The following GRID2 variants were observed in gnomAD, a reference collection of about 807,000 sequenced individuals.
GRID2 encodes the protein glutamate receptor ionotropic, delta-2.
In GRID2, 33 loss-of-function variants were observed where a neutral mutation model predicts 114.8. The observed-to-expected ratio is 0.29, with a 90% CI of 0.22 to 0.38. The LOEUF is 0.38. Among genes scored for constraint, GRID2 ranks in the 10% least tolerant of loss-of-function variants. The probability of loss-of-function intolerance (pLI) is 1.00; values close to 1 mark genes in which losing one functional copy is unlikely to be tolerated. For synonymous variants in GRID2, 505 were observed against 449.9 expected (o/e 1.12, Z -1.55); for missense variants, 1,184 against 1,257.7 (o/e 0.94, Z 0.89).
intron 1 of GRID2, among the ~76,000 whole-genome samples, chr4:92,455,107 C>A (rs1052860108): frequency 1.3e-5 from 2 of 152,132 alleles, no homozygotes; most frequent in Admixed American, 6.5e-5. Context: ...ATTAAAACTA[C>A]TTTAAAATAG....
At chr4:93,309,883 A>G (rs1048455477) in intron 8 of GRID2, among the ~76,000 whole-genome samples, 1 of 152,182 alleles carries the variant, frequency 6.6e-6, no homozygotes, top group Admixed American at 6.5e-5. Context: ...AAAATTATGT[A>G]CAATTATTGT....
At chr4:92,412,231 A>G (rs1020131365) in intron 1 of GRID2, among the ~76,000 whole-genome samples, 1 of 152,104 alleles carries the variant, frequency 6.6e-6, no homozygotes, top group African/African-American at 2.4e-5. Context: ...ACATGTTTCC[A>G]TTACAGTTCC....
At chr4:93,565,864 A>G (rs1043346913) in intron 13 of GRID2, among the ~76,000 whole-genome samples, 1 of 152,174 alleles carries the variant, frequency 6.6e-6, no homozygotes, top group Non-Finnish European at 1.5e-5. Context: ...GTTTCACACA[A>G]TCACGCACAT....
At chr4:92,625,013 T>G (rs1052272030) in intron 2 of GRID2, among the ~76,000 whole-genome samples, 2 of 151,772 alleles carry the variant, frequency 1.3e-5, no homozygotes, top group Non-Finnish European at 2.9e-5. Context: ...GTGGTATACC[T>G]TTTTAGAGTA....
chr4:93,115,513 A>T lies in GRID2; in HGVS notation c.735+4560A>T, dbSNP rs148420166. ...AACTTAGTAACTTCTAGATCATTCT[A>T]TTGAGACATACGATGTGTTCCTAAT... is the stretch of plus-strand genomic sequence containing the variant. On this transcript the variant is annotated intron_variant, in intron 4 of 15. Coordinates refer to ENST00000282020, the MANE Select transcript of GRID2 (RefSeq NM_001510.4). Among the ~76,000 whole-genome samples, 8 of 152,110 alleles carry T rather than the reference A, an allele frequency of 5.3e-5. No individual in the cohort carries two copies. The East Asian group carries it at 1.5e-3, about 29-fold the overall frequency.
intron 7 of GRID2, among the ~76,000 whole-genome samples, chr4:93,236,844 T>G (rs1746855547): frequency 6.6e-6 from 1 of 152,106 alleles, no homozygotes; most frequent in Non-Finnish European, 1.5e-5. Flanking sequence ...ACCCACTGAA[T>G]TTTAATTAAC....
chr4:92,775,609 C>T (rs1436768559), intron 2 of GRID2, among the ~76,000 whole-genome samples: 1 of 152,146 alleles, frequency 6.6e-6, no homozygotes, highest in African/African-American at 2.4e-5. Context: ...GCTCAGGATA[C>T]TGCCATGCAA....
chr4:93,033,937 A>G (rs1724676219), intron 2 of GRID2, among the ~76,000 whole-genome samples: 2 of 152,190 alleles, frequency 1.3e-5, no homozygotes, highest in South Asian at 4.1e-4. Context: ...GGTCATAGAA[A>G]AACACATAGT....
chr4:92,925,257 A>G (rs191602876), intron 2 of GRID2, among the ~76,000 whole-genome samples: 31 of 152,150 alleles, frequency 2.0e-4, no homozygotes, highest in African/African-American at 5.5e-4. Context: ...GGACTTTAAA[A>G]AAGTAAGTTG....
intron 2 of GRID2, among the ~76,000 whole-genome samples, chr4:93,011,644 C>G (rs932958386): frequency 2.0e-5 from 3 of 152,072 alleles, no homozygotes; most frequent in African/African-American, 7.2e-5. Context: ...CTTACCATGT[C>G]ACATTGACAA....
At chr4:92,911,618 T>C (rs565013510) in intron 2 of GRID2, among the ~76,000 whole-genome samples, 1 of 152,036 alleles carries the variant, frequency 6.6e-6, no homozygotes, top group East Asian at 1.9e-4. Context: ...CACAAAACAA[T>C]TGCTGGTGTG....
intron 2 of GRID2, among the ~76,000 whole-genome samples, chr4:92,984,441 C>A (rs1164695392): frequency 1.3e-5 from 2 of 152,208 alleles, no homozygotes; most frequent in Non-Finnish European, 2.9e-5. Context: ...AGCTTGTTTA[C>A]TCTTTGTTAG....
In GRID2 at chr4:92,936,924, C is replaced by G. The variant is rs1750717144; in HGVS notation, c.245-148071C>G. Reference sequence around the variant, plus strand: ...ATATGTTCTTTTAATTTGCATTTCCCTAATGACTAATTATGTTGAGCATCT... The same window carrying G: ...ATATGTTCTTTTAATTTGCATTTCCGTAATGACTAATTATGTTGAGCATCT... On this transcript the variant is annotated intron_variant, in intron 2 of 15. Coordinates refer to ENST00000282020, the MANE Select transcript of GRID2 (RefSeq NM_001510.4). 1.4e-5 allele frequency among the ~76,000 whole-genome samples: 2 copies of G among 146,592 alleles called. 1 individual carries two copies. The highest frequency in any genetic ancestry group is 1.5e-4 in the Admixed American group (2 of 13,458).
intron 2 of GRID2, among the ~76,000 whole-genome samples, chr4:92,636,076 A>T (rs530559033): frequency 6.6e-6 from 1 of 152,142 alleles, no homozygotes; most frequent in Non-Finnish European, 1.5e-5. Flanking sequence ...CAAACAACTG[A>T]TTGTAGGATG....
intron 2 of GRID2, among the ~76,000 whole-genome samples, chr4:92,892,632 A>G (rs1338400643): frequency 6.6e-6 from 1 of 152,194 alleles, no homozygotes; most frequent in Non-Finnish European, 1.5e-5. Context: ...CACATTGTTA[A>G]TGCACTCAAA....
At chr4:93,567,798 CTTG>C (rs1233027426) in intron 13 of GRID2, among the ~76,000 whole-genome samples, 4 of 152,110 alleles carry the variant, frequency 2.6e-5, no homozygotes, top group Non-Finnish European at 4.4e-5. Flanking sequence ...TGCTCCCAGC[CTTG>C]TTGATGGATT....
At chr4:92,840,486 A>T (rs1266136215) in intron 2 of GRID2, among the ~76,000 whole-genome samples, 3 of 151,468 alleles carry the variant, frequency 2.0e-5, no homozygotes, top group Non-Finnish European at 4.4e-5. Context: ...AAACATAGGG[A>T]GTTTATTCAG....
intron 4 of GRID2, among the ~76,000 whole-genome samples, chr4:93,204,697 A>G (rs1216632155): frequency 6.6e-6 from 1 of 152,200 alleles, no homozygotes; most frequent in African/African-American, 2.4e-5. Context: ...CTCATGGTCT[A>G]GATAAGTTAC....
In GRID2 at chr4:93,730,320, A is replaced by G. The variant is rs181572213; in HGVS notation, c.2361-38890A>G. Among the ~76,000 whole-genome samples, 13 of 152,224 alleles carry G rather than the reference A, an allele frequency of 8.5e-5. 1 individual carries two copies. The highest frequency in any genetic ancestry group is 4.1e-4 in the South Asian group (2 of 4,832). On this transcript the variant is annotated intron_variant, in intron 14 of 15. Coordinates refer to ENST00000282020, the MANE Select transcript of GRID2 (RefSeq NM_001510.4). ...CTCAGAAAATATGAGTGCAGCCTAG[A>G]TAGTAGTTAAGAACTCAGATTGTTT...
Sources: gnomAD v4.1 joint callset for allele counts (sites outside exome capture counted in the v4.1 genomes callset) on GRCh38, gnomAD v4.1.1 for gene constraint, MANE v1.5 for transcripts, NCBI Gene and HGNC (gene_info 2026-07-23, HGNC 2026-07-21) for gene names.